Variants in OTUD7A observed in about 807,000 individuals in gnomAD.
The protein encoded by OTUD7A is OTU deubiquitinase 7A, also known as OTU domain-containing protein 7A.
In OTUD7A, 12 loss-of-function variants were observed where a neutral mutation model predicts 65.7. That is an observed-to-expected ratio of 0.18 (90% CI 0.12 to 0.30). The LOEUF (loss-of-function observed/expected upper bound fraction) is 0.30, where lower values mean the gene tolerates loss of function less well. Among genes scored for constraint, OTUD7A ranks in the 10% least tolerant of loss-of-function variants. The pLI is 1.00. For missense variants in OTUD7A, 1,148 were observed against 1,304.8 expected, an observed-to-expected ratio of 0.88 and a Z score of 1.85; for synonymous variants, 641 against 586.3, an observed-to-expected ratio of 1.09 and a Z score of -1.35.
Position 31,860,671 on chromosome 15 carries a change from A to ATGTG in OTUD7A, c.-100+9832_-100+9835dup, listed in dbSNP as rs375154579. Among the ~76,000 whole-genome samples the ATGTG allele has an allele frequency of 1.6e-3, 60 of 38,546 alleles. 3 individuals are homozygous for ATGTG. In the South Asian group the frequency reaches 0.029, roughly 19 times the overall value. 25.3% of individuals were successfully genotyped at this position (38,546 alleles called of 152,430 possible). A position where few individuals can be genotyped will look rare whatever the true frequency, so the allele number is the denominator to read the frequency against. On this transcript the variant is annotated intron_variant, in intron 1 of 12. Coordinates refer to ENST00000307050, the MANE Select transcript of OTUD7A (RefSeq NM_001382637.1). ...TATGTATGTGTGTATATATAGATGTATGTGTGTATATATATATATATATAT... is the reference window on the plus strand; with the variant it reads ...TATGTATGTGTGTATATATAGATGTATGTGTGTGTGTATATATATATATATATAT...
intron 1 of OTUD7A, among the ~76,000 whole-genome samples, chr15:31,804,343 T>C (rs1896212629): frequency 2.0e-5 from 3 of 152,282 alleles, no homozygotes; most frequent in East Asian, 1.9e-4. Context: ...CCTACTTTTA[T>C]GGTTCATTGG....
intron 3 of OTUD7A, among the ~76,000 whole-genome samples, chr15:31,625,517 G>C (rs1890925772): frequency 6.6e-6 from 1 of 151,912 alleles, no homozygotes; most frequent in Non-Finnish European, 1.5e-5. Context: ...GGAGCAAGCA[G>C]GACTCTCGTA....
chr15:31,620,336 G>A (rs1175799582), intron 3 of OTUD7A, among the ~76,000 whole-genome samples: 2 of 152,150 alleles, frequency 1.3e-5, no homozygotes. Flanking sequence ...AGTTTCAGAA[G>A]GAATGGTACC....
Position 31,484,916 on chromosome 15 carries a change from C to G in OTUD7A, c.1372-192G>C, listed in dbSNP as rs2041214930. 6.6e-6 allele frequency among the ~76,000 whole-genome samples: 1 copy of G among 152,196 alleles called. No individual in the cohort carries two copies. The highest frequency in any genetic ancestry group is 2.1e-4 in the South Asian group (1 of 4,836). On this transcript the variant is annotated intron_variant, in intron 12 of 12. Coordinates refer to ENST00000307050, the MANE Select transcript of OTUD7A (RefSeq NM_001382637.1). This position sits in a 1 kb window ranked among gnomAD's most constrained non-coding sequence, Gnocchi z 4.5. ...CTGAAGGAGCGGATAGGAGTGGGCTCTGATCTGCTGCGGTAGTAAAAGGAT... is the reference window on the plus strand; with the variant it reads ...CTGAAGGAGCGGATAGGAGTGGGCTGTGATCTGCTGCGGTAGTAAAAGGAT...
intron 1 of OTUD7A, among the ~76,000 whole-genome samples, chr15:31,735,941 T>A (rs1894178465): frequency 6.6e-6 from 1 of 152,226 alleles, no homozygotes. Flanking sequence ...GCCATTATCC[T>A]TAACAAACTA....
chr15:31,488,520 G>A (rs567938501), intron 10 of OTUD7A, among the ~76,000 whole-genome samples: 6 of 152,204 alleles, frequency 3.9e-5, no homozygotes, highest in African/African-American at 1.2e-4. Context: ...GTCTTTCCTC[G>A]CAACAAGCAG....
chr15:31,695,184 A>G (rs1457911176), intron 1 of OTUD7A, among the ~76,000 whole-genome samples: 2 of 144,910 alleles, frequency 1.4e-5, no homozygotes, highest in East Asian at 3.9e-4. Context: ...TTGGATGAGC[A>G]CAGGGTGGTT....
At chr15:31,783,276 G>A (rs990125997) in intron 1 of OTUD7A, among the ~76,000 whole-genome samples, 6 of 152,144 alleles carry the variant, frequency 3.9e-5, no homozygotes, top group African/African-American at 1.4e-4. Flanking sequence ...GTGTGGAGGG[G>A]ACAATCTCTC....
At chr15:31,665,695 T>C (rs889848569) in intron 1 of OTUD7A, among the ~76,000 whole-genome samples, 8 of 152,196 alleles carry the variant, frequency 5.3e-5, no homozygotes, top group African/African-American at 1.9e-4. Context: ...AAGTACTATG[T>C]TGAAGAGGAG....
chr15:31,866,081 G>A (rs1257755090), intron 1 of OTUD7A, among the ~76,000 whole-genome samples: 2 of 152,214 alleles, frequency 1.3e-5, no homozygotes, highest in Non-Finnish European at 2.9e-5. Context: ...AACTAAGAGA[G>A]ATGTATTTAA....
At position 31,487,930 on chromosome 15, in the gene OTUD7A, G is replaced by A. The variant is rs2338680; in HGVS notation, c.1172-364C>T. 0.27 allele frequency among the ~76,000 whole-genome samples: 40,365 copies of A among 151,964 alleles called. 5,980 individuals are homozygous for A. Among genetic ancestry groups the A allele is most frequent in the East Asian group, 0.38 (1,945 of 5,158 alleles). On this transcript the variant is annotated intron_variant, in intron 10 of 12. Coordinates refer to ENST00000307050, the MANE Select transcript of OTUD7A (RefSeq NM_001382637.1). The surrounding 1 kb of genome is among the most constrained non-coding windows in gnomAD (Gnocchi z 6.0). ...GGAGGCCACCTTGCAGGTGGGCCTG[G>A]GGCTCAGCTCTCCTGTCTCGTCCCA...
At chr15:31,609,186 C>T (rs1890324542) in intron 3 of OTUD7A, among the ~76,000 whole-genome samples, 2 of 152,172 alleles carry the variant, frequency 1.3e-5, no homozygotes, top group African/African-American at 4.8e-5. Context: ...TCAAGCTGAA[C>T]TTTTTAACAA....
chr15:31,542,831 A>C (rs994066567), intron 5 of OTUD7A, among the ~76,000 whole-genome samples: 4 of 151,906 alleles, frequency 2.6e-5, no homozygotes, highest in Middle Eastern at 3.2e-3. Flanking sequence ...AGCCAAAAAA[A>C]AAAAAATCTT....
intron 1 of OTUD7A, among the ~76,000 whole-genome samples, chr15:31,778,527 G>A (rs1023560719): frequency 6.6e-6 from 1 of 152,196 alleles, no homozygotes; most frequent in Admixed American, 6.5e-5. Context: ...ACAGTGGCAC[G>A]GAGTGGGGCT....
Position 31,659,086 on chromosome 15 carries a change from A to T in OTUD7A, c.-99-2009T>A, listed in dbSNP as rs181648928. On this transcript the variant is annotated intron_variant, in intron 1 of 12. Coordinates refer to ENST00000307050, the MANE Select transcript of OTUD7A (RefSeq NM_001382637.1). ...AAATAAATAAATAAATAAATAAAATAAAATTAAAACTTCTGTTTCAATGAA... is the reference window on the plus strand; with the variant it reads ...AAATAAATAAATAAATAAATAAAATTAAATTAAAACTTCTGTTTCAATGAA... Among the ~76,000 whole-genome samples the T allele has an allele frequency of 7.8e-3, 1,117 of 142,840 alleles. 6 individuals are homozygous for T. Among genetic ancestry groups the T allele is most frequent in the Admixed American group, 0.011 (158 of 14,946 alleles). 93.7% of individuals were successfully genotyped at this position (142,840 alleles called of 152,430 possible). A position where few individuals can be genotyped will look rare whatever the true frequency, so the allele number is the denominator to read the frequency against.
intron 1 of OTUD7A, among the ~76,000 whole-genome samples, chr15:31,822,295 C>T (rs1031473517): frequency 2.6e-5 from 4 of 152,166 alleles, no homozygotes; most frequent in African/African-American, 9.7e-5. Flanking sequence ...CATGGGCTTC[C>T]CAAAGCGCTG....
At chr15:31,668,983 C>T (rs762255361) in intron 1 of OTUD7A, among the ~76,000 whole-genome samples, 1 of 152,248 alleles carries the variant, frequency 6.6e-6, no homozygotes, top group South Asian at 2.1e-4. Context: ...ATTGTCTGTA[C>T]AGAGCCCTGT....
At chr15:31,672,478 G>T (rs1261139634) in intron 1 of OTUD7A, among the ~76,000 whole-genome samples, 1 of 152,186 alleles carries the variant, frequency 6.6e-6, no homozygotes, top group Non-Finnish European at 1.5e-5. Context: ...CTTGCTGAGT[G>T]CCCACAATTA....
chr15:31,784,622 C>T (rs943858360), intron 1 of OTUD7A, among the ~76,000 whole-genome samples: 2 of 152,064 alleles, frequency 1.3e-5, no homozygotes, highest in African/African-American at 4.8e-5. Context: ...AAGAAAAGCT[C>T]TTTAGGCACC....
Sources: gnomAD v4.1 joint callset for allele counts (sites outside exome capture counted in the v4.1 genomes callset) on GRCh38, gnomAD v4.1.1 for gene constraint, Gnocchi (gnomAD v3.1) non-coding constraint, MANE v1.5 for transcripts, NCBI Gene and HGNC (gene_info 2026-07-23, HGNC 2026-07-21) for gene names.